Variants in ATP6V0A1 observed in about 807,000 individuals in gnomAD.
ATP6V0A1 encodes ATPase H+ transporting V0 subunit a1, also known as V-type proton ATPase 116 kDa subunit a 1.
ATP6V0A1 carries 43 observed loss-of-function variants against 105.4 expected under a neutral mutation model. The ratio of observed to expected loss-of-function variants is 0.41; its 90% CI spans 0.32 to 0.53. The LOEUF (loss-of-function observed/expected upper bound fraction) is 0.53. Among genes scored for constraint, ATP6V0A1 ranks in the 20% least tolerant of loss-of-function variants. The pLI is 0.30. For synonymous variants in ATP6V0A1, 362 were observed against 372.8 expected (o/e 0.97, Z 0.33); for missense variants, 676 against 1,051.1 (o/e 0.64, Z 4.93).
At chr17:42,498,352 G>T (rs560994691) in intron 14 of ATP6V0A1, among the ~76,000 whole-genome samples, 16 of 152,184 alleles carry the variant, frequency 1.1e-4, no homozygotes, top group Admixed American at 7.2e-4. Flanking sequence ...TGAGTGAGTG[G>T]CAGTAATCTT....
chr17:42,464,306 A>T, intron 2 of ATP6V0A1, among the ~76,000 whole-genome samples: 1 of 152,358 alleles, frequency 6.6e-6, no homozygotes, highest in East Asian at 1.9e-4. Flanking sequence ...TTAATTGCTA[A>T]TAAAAATTTT....
At chr17:42,520,868 A>G in intron 21 of ATP6V0A1, 159 bp from the exon 22 acceptor site, 1 of 672,366 alleles carries the variant, frequency 1.5e-6, no homozygotes, top group Non-Finnish European at 2.6e-6. Flanking sequence ...CCAGGCCTTA[A>G]AAGTGGGATC....
chr17:42,495,545 T>G (rs914825559), intron 13 of ATP6V0A1, 81 bp from the exon 14 acceptor site: 2 of 1,094,742 alleles, frequency 1.8e-6, no homozygotes, highest in East Asian at 5.0e-5. Flanking sequence ...CTACAGTAAT[T>G]TATTTTGGGG....
intron 15 of ATP6V0A1, among the ~76,000 whole-genome samples, chr17:42,499,657 G>A (rs1369354287): frequency 2.7e-5 from 4 of 148,242 alleles, no homozygotes; most frequent in Admixed American, 2.0e-4. Flanking sequence ...GTGTGGTGGC[G>A]TGCACCTGTA....
chr17:42,459,203 G>A (rs2086100889), intron 1 of ATP6V0A1: 1 of 152,274 alleles, frequency 6.6e-6, no homozygotes, highest in African/African-American at 2.4e-5. Flanking sequence ...GGAACCGGAG[G>A]TTATTGGATA....
intron 11 of ATP6V0A1, among the ~76,000 whole-genome samples, 183 bp from the exon 12 acceptor site, chr17:42,494,151 G>A (rs1433015051): frequency 6.6e-6 from 1 of 151,424 alleles, no homozygotes; most frequent in Non-Finnish European, 1.5e-5. Flanking sequence ...GCTGAGGCAG[G>A]AGAATCACTT....
chr17:42,488,469 T>C (rs2090319918), intron 10 of ATP6V0A1, among the ~76,000 whole-genome samples: 2 of 152,148 alleles, frequency 1.3e-5, no homozygotes, highest in South Asian at 4.1e-4. Context: ...GGTGGTTTTT[T>C]ACATTTTTAA....
chr17:42,461,142 A>G, intron 2 of ATP6V0A1, 131 bp downstream of exon 2: 2 of 769,868 alleles, frequency 2.6e-6, no homozygotes, highest in South Asian at 3.2e-5. Context: ...TATTGGCAGA[A>G]TGCACATTTT....
At chr17:42,469,883 C>A (rs1198975646) in intron 4 of ATP6V0A1, among the ~76,000 whole-genome samples, 1 of 152,142 alleles carries the variant, frequency 6.6e-6, no homozygotes, top group Non-Finnish European at 1.5e-5. Context: ...CTCAAGTGAT[C>A]CACCCGCCTC....
chr17:42,491,104 C>T (rs934577347), intron 11 of ATP6V0A1, among the ~76,000 whole-genome samples: 2 of 151,752 alleles, frequency 1.3e-5, no homozygotes, highest in Admixed American at 6.6e-5. Flanking sequence ...GAGACGGGGT[C>T]TTGTTATGTT....
At chr17:42,480,786 A>C (rs371663080) in intron 8 of ATP6V0A1, 37 bp downstream of exon 8, 1 of 1,583,294 alleles carries the variant, frequency 6.3e-7, no homozygotes, top group Non-Finnish European at 8.6e-7. Flanking sequence ...GTGCACAGCC[A>C]TGCTGCCCAA....
At position 42,518,108 on chromosome 17, in the gene ATP6V0A1, GA is replaced by G. The variant is rs1383291335; in HGVS notation, c.2421-2917del. The stretch of plus-strand genomic sequence containing the variant: ...AATTAGACATCTTTTCTTCCTCAGA[GA>G]AGGCATGAGACAGGGATTTGATTGT... On this transcript the variant is annotated intron_variant, in intron 21 of 21. Transcript: ENST00000343619. 2.6e-5 allele frequency: 4 copies of G among 152,368 alleles called. No individual in the cohort carries two copies. In the East Asian group the frequency reaches 7.7e-4, roughly 29 times the overall value. The allele number at this position is 152,368 out of a possible 1,614,324, so 9.4% of individuals were successfully genotyped here. A position where few individuals can be genotyped will look rare whatever the true frequency, so the allele number is the denominator to read the frequency against.
chr17:42,483,684 C>T (rs188659630), intron 9 of ATP6V0A1, among the ~76,000 whole-genome samples: 14 of 152,186 alleles, frequency 9.2e-5, no homozygotes, highest in Admixed American at 5.9e-4. Context: ...CAGGTTCAAG[C>T]GATTCTCCTG....
chr17:42,495,587 T>C lies in ATP6V0A1; in HGVS notation c.1470-39T>C, dbSNP rs781706241. Reference sequence around the variant, plus strand: ...TCTGGACCCTTGTTGTTTCCCTCTCTTGTTCAAAAATAATGTGACTTTTTC... The same window carrying C: ...TCTGGACCCTTGTTGTTTCCCTCTCCTGTTCAAAAATAATGTGACTTTTTC... On this transcript the variant is annotated intron_variant, in intron 13 of 21. Coordinates refer to ENST00000343619, the MANE Select transcript of ATP6V0A1 (RefSeq NM_001130021.3). 10 of 1,512,852 alleles carry C rather than the reference T, an allele frequency of 6.6e-6. No homozygotes were observed. The South Asian group carries it at 9.0e-5, about 14-fold the overall frequency. The allele number at this position is 1,512,852 out of a possible 1,614,324, so 93.7% of individuals were successfully genotyped here.
intron 17 of ATP6V0A1, among the ~76,000 whole-genome samples, chr17:42,503,738 G>A (rs1567859068): frequency 6.6e-6 from 1 of 152,154 alleles, no homozygotes; most frequent in Non-Finnish European, 1.5e-5. Context: ...TTCATTAAGT[G>A]TTTCTGATGA....
At chr17:42,469,895 GC>G (rs1226007928) in intron 4 of ATP6V0A1, among the ~76,000 whole-genome samples, 194 bp from the exon 5 acceptor site, 1 of 152,160 alleles carries the variant, frequency 6.6e-6, no homozygotes, top group African/African-American at 2.4e-5. Context: ...ACCCGCCTCG[GC>G]CCAGGAGAGA....
At position 42,467,994 on chromosome 17, in the gene ATP6V0A1, G is replaced by A; in HGVS notation, c.197-16G>A. ...ATGTGCAGTTAGACATGAATGTTTT[G>A]ATTCTGTCATTTTAGGATTTGTTGA... On this transcript the variant is annotated splice_polypyrimidine_tract_variant and intron_variant, in intron 3 of 21. Coordinates refer to ENST00000343619, the MANE Select transcript of ATP6V0A1 (RefSeq NM_001130021.3). 1.3e-6 allele frequency: 2 copies of A among 1,570,416 alleles called. No homozygotes were observed. The highest frequency in any genetic ancestry group is 1.7e-6 in the Non-Finnish European group (2 of 1,147,876).
chr17:42,514,887 A>G (rs1215488645), intron 21 of ATP6V0A1, among the ~76,000 whole-genome samples: 1 of 152,100 alleles, frequency 6.6e-6, no homozygotes, highest in Non-Finnish European at 1.5e-5. Flanking sequence ...CCCCAGCTTT[A>G]TCCTCTTTGT....
In ATP6V0A1 at chr17:42,513,888, C is replaced by G; in HGVS notation, c.2158C>G (p.Gln720Glu). 1 of 1,614,132 alleles carries G rather than the reference C, an allele frequency of 6.2e-7. No homozygotes were observed. The highest frequency in any genetic ancestry group is 8.5e-7 in the Non-Finnish European group (1 of 1,180,006). The change falls in exon 20 of 22, where the codon CAG becomes GAG. Residue 720 changes from glutamine (Q) to glutamate (E), a missense_variant. Physicochemically the swap from Gln to Glu is conservative, Grantham distance 29 (BLOSUM62 2). Coordinates refer to ENST00000343619, the MANE Select transcript of ATP6V0A1 (RefSeq NM_001130021.3). ...VFDFGDTMVHQAIHTIEYCLG... is the reference protein window; with the variant it reads ...VFDFGDTMVHEAIHTIEYCLG... ...TGACTTTGGGGACACCATGGTCCAC[C>G]AGGCCATCCACACCATCGAGTACTG...
Sources: allele counts gnomAD v4.1 joint callset (sites outside exome capture counted in the v4.1 genomes callset), GRCh38; gene constraint gnomAD v4.1.1; transcripts MANE v1.5; gene names NCBI Gene and HGNC (gene_info 2026-07-23, HGNC 2026-07-21).